VRK2: variants seen among roughly 807,000 people sequenced by gnomAD.
VRK2 encodes serine/threonine-protein kinase VRK2.
Under a neutral mutation model 57.6 loss-of-function variants are expected in VRK2, and 60 were observed. The observed-to-expected ratio is 1.04, with a 90% CI of 0.85 to 1.29. The LOEUF is 1.29. VRK2 is among the 50% of genes most tolerant of loss of function. The pLI is 0.00. For missense variants in VRK2, 705 were observed against 588.1 expected, an observed-to-expected ratio of 1.20 and a Z score of -2.06; for synonymous variants, 231 against 199.2, an observed-to-expected ratio of 1.16 and a Z score of -1.35.
chr2:58,131,799 C>A lies in VRK2; in HGVS notation c.677-9C>A. 6.2e-7 allele frequency: 1 copy of A among 1,600,454 alleles called. No individual in the cohort carries two copies. Among genetic ancestry groups the A allele is most frequent in the Non-Finnish European group, 8.5e-7 (1 of 1,175,382 alleles). ...CCCTTATCTTTCTCTCTAATGCTTA[C>A]TCCTATAGCCTTGTCCAGACGAAGT... On this transcript the variant is annotated splice_polypyrimidine_tract_variant and intron_variant, in intron 8 of 12. Transcript: ENST00000340157.
At chr2:58,059,985 TA>T (rs1410501073) in intron 2 of VRK2, among the ~76,000 whole-genome samples, 3 of 151,832 alleles carry the variant, frequency 2.0e-5, no homozygotes, top group African/African-American at 7.2e-5. Flanking sequence ...TTGTTTCTAT[TA>T]AAAAATCATG....
chr2:57,926,673 CTGT>C (rs1217802948), intron 1 of VRK2, among the ~76,000 whole-genome samples: 1 of 151,626 alleles, frequency 6.6e-6, no homozygotes, highest in African/African-American at 2.4e-5. Context: ...TACTCCTGCT[CTGT>C]TTTGGTTTCC....
intron 2 of VRK2, among the ~76,000 whole-genome samples, chr2:58,050,569 T>A (rs1018133591): frequency 2.0e-5 from 3 of 152,256 alleles, no homozygotes; most frequent in African/African-American, 4.8e-5. Flanking sequence ...TTTGTATTAT[T>A]TGAGTAATTT....
At chr2:58,014,204 T>C (rs1179981842) in intron 1 of VRK2, among the ~76,000 whole-genome samples, 1 of 152,222 alleles carries the variant, frequency 6.6e-6, no homozygotes. Flanking sequence ...TAATCTGCTC[T>C]AGGTAGTCTG....
intron 1 of VRK2, among the ~76,000 whole-genome samples, chr2:57,996,093 C>A (rs192628289): frequency 1.3e-5 from 2 of 152,100 alleles, no homozygotes; most frequent in African/African-American, 2.4e-5. Flanking sequence ...CTAGAGCATA[C>A]GGGTGATGTG....
chr2:58,082,835 A>G (rs749291659), intron 2 of VRK2, among the ~76,000 whole-genome samples: 1 of 152,024 alleles, frequency 6.6e-6, no homozygotes, highest in East Asian at 1.9e-4. Context: ...ACTTTCTTCA[A>G]CTGGTTAGTA....
At chr2:58,081,876 G>A (rs1433016953) in intron 2 of VRK2, among the ~76,000 whole-genome samples, 2 of 151,158 alleles carry the variant, frequency 1.3e-5, no homozygotes, top group Admixed American at 6.6e-5. Flanking sequence ...GTGTGTGTGT[G>A]TGTGTGTGTG....
intron 3 of VRK2, among the ~76,000 whole-genome samples, chr2:58,039,427 T>C (rs1674376060): frequency 1.3e-5 from 2 of 152,312 alleles, no homozygotes; most frequent in Non-Finnish European, 1.5e-5. Flanking sequence ...AAATTTCTCC[T>C]ACATCCAATA....
At chr2:57,934,523 T>G (rs1048168355) in intron 1 of VRK2, among the ~76,000 whole-genome samples, 1 of 152,250 alleles carries the variant, frequency 6.6e-6, no homozygotes, top group African/African-American at 2.4e-5. Context: ...TTTTAGACTG[T>G]CTGATTTTAT....
At chr2:58,101,685 T>C (rs1673990593) in intron 7 of VRK2, among the ~76,000 whole-genome samples, 1 of 151,746 alleles carries the variant, frequency 6.6e-6, no homozygotes, top group Admixed American at 6.6e-5. Context: ...TTATCTCTCA[T>C]AGCCTCTGTC....
chr2:58,112,807 T>G (rs187211671), intron 7 of VRK2, among the ~76,000 whole-genome samples: 240 of 152,292 alleles, frequency 1.6e-3, no homozygotes, highest in Non-Finnish European at 2.0e-3. Context: ...TGGGGGACAT[T>G]GCAGCACATT....
intron 10 of VRK2, among the ~76,000 whole-genome samples, chr2:58,136,880 TATCATATATATGTGTATATATATCATATA>T (rs1680156703): frequency 2.6e-5 from 3 of 117,000 alleles, no homozygotes; most frequent in African/African-American, 3.4e-5. Context: ...TCATATATTA[TATCATATATATGTGTATATATATCATATA>T]TATATCATAT....
intron 1 of VRK2, among the ~76,000 whole-genome samples, chr2:57,924,289 T>C (rs117199359): frequency 6.6e-6 from 1 of 152,210 alleles, no homozygotes; most frequent in East Asian, 1.9e-4. Context: ...AGGGACTGCA[T>C]TGAACTTGTA....
At chr2:58,057,569 C>T (rs1329275329) in intron 2 of VRK2, among the ~76,000 whole-genome samples, 4 of 151,998 alleles carry the variant, frequency 2.6e-5, no homozygotes, top group African/African-American at 7.2e-5. Flanking sequence ...CAAGTATAAA[C>T]GTTTGTGGGG....
chr2:58,050,482 G>A (rs1400960990), intron 2 of VRK2, among the ~76,000 whole-genome samples: 5 of 152,212 alleles, frequency 3.3e-5, no homozygotes, highest in African/African-American at 7.2e-5. Context: ...TTGAGATATA[G>A]TGTTGAATAA....
intron 7 of VRK2, among the ~76,000 whole-genome samples, chr2:58,098,305 G>T (rs901659249): frequency 6.6e-6 from 1 of 151,848 alleles, no homozygotes; most frequent in Non-Finnish European, 1.5e-5. Context: ...ATTGCAGAAA[G>T]AAAAAAACTG....
At position 58,146,373 on chromosome 2, in the gene VRK2, G is replaced by GA. The variant is rs768472226; in HGVS notation, c.1089dup (p.Val364SerfsTer4). 4 of 1,610,486 alleles carry GA rather than the reference G, an allele frequency of 2.5e-6. No individual in the cohort carries two copies. The highest frequency in any genetic ancestry group is 2.2e-5 in the East Asian group (1 of 44,778). On this transcript the variant is annotated frameshift_variant, in exon 12 of 13. Transcript: ENST00000340157. LOFTEE classifies it high-confidence loss of function. ...CAACAAGGCACACAATAGGTTAATC[G>GA]AAAAAAAAGTCCACAGTGAGAGAAG...
At chr2:58,035,210 G>A (rs779231319) in intron 3 of VRK2, among the ~76,000 whole-genome samples, 2 of 151,862 alleles carry the variant, frequency 1.3e-5, no homozygotes, top group Non-Finnish European at 2.9e-5. Context: ...CCTTTCTGTT[G>A]CTACCATAGA....
At chr2:58,051,540 GAGA>G (rs1410844760) in intron 2 of VRK2, among the ~76,000 whole-genome samples, 3 of 152,172 alleles carry the variant, frequency 2.0e-5, no homozygotes, top group African/African-American at 7.2e-5. Flanking sequence ...TATAAATGAA[GAGA>G]AGAAGCAGTA....
Sources: gnomAD v4.1 joint callset for allele counts (sites outside exome capture counted in the v4.1 genomes callset) on GRCh38, gnomAD v4.1.1 for gene constraint, MANE v1.5 for transcripts, NCBI Gene and HGNC (gene_info 2026-07-23, HGNC 2026-07-21) for gene names.